TESPA1: variants seen among roughly 807,000 people sequenced by gnomAD.
TESPA1 encodes the protein thymocyte expressed, positive selection associated 1.
In TESPA1, 33 loss-of-function variants were observed where a neutral mutation model predicts 57.9. The ratio of observed to expected loss-of-function variants is 0.57; its 90% CI spans 0.43 to 0.76. TESPA1 has a LOEUF of 0.76. Among genes scored for constraint, TESPA1 ranks in the 30% least tolerant of loss-of-function variants. The pLI is 0.00. For synonymous variants in TESPA1, 227 were observed against 228.9 expected (o/e 0.99, Z 0.07); for missense variants, 618 against 632.9 (o/e 0.98, Z 0.25).
intron 3 of TESPA1, among the ~76,000 whole-genome samples, chr12:54,970,350 A>G (rs1348015949): frequency 6.6e-6 from 1 of 152,246 alleles, no homozygotes; most frequent in Non-Finnish European, 1.5e-5. Context: ...AATACAATTT[A>G]CATTTAAAAT....
At chr12:54,967,353 CAGAT>C (rs1352295205) in intron 4 of TESPA1, 117 bp from the exon 5 acceptor site, 1 of 1,155,230 alleles carries the variant, frequency 8.7e-7, no homozygotes, top group East Asian at 2.6e-5. Context: ...CTTGCACAAC[CAGAT>C]AATCATACTA....
intron 10 of TESPA1, among the ~76,000 whole-genome samples, chr12:54,960,910 A>T (rs770906905): frequency 2.0e-5 from 3 of 152,136 alleles, no homozygotes; most frequent in Admixed American, 6.5e-5. Flanking sequence ...GGGAGCTGGG[A>T]TCTGGTCATT....
intron 1 of TESPA1, among the ~76,000 whole-genome samples, chr12:54,980,754 C>T (rs996317273): frequency 1.1e-4 from 17 of 152,150 alleles, no homozygotes; most frequent in African/African-American, 4.1e-4. Flanking sequence ...CACCATGGGG[C>T]AATTTTCAAG....
intron 1 of TESPA1, among the ~76,000 whole-genome samples, chr12:54,981,088 A>G (rs1952298709): frequency 6.6e-6 from 1 of 151,884 alleles, no homozygotes; most frequent in South Asian, 2.1e-4. Flanking sequence ...CCTAGTCTAT[A>G]CCTAATTTTC....
chr12:54,964,034 CAG>C, intron 7 of TESPA1, 84 bp from the exon 8 acceptor site: 2 of 1,369,758 alleles, frequency 1.5e-6, no homozygotes, highest in East Asian at 4.6e-5. Context: ...ATAAAAGTGT[CAG>C]AAGACTGAAA....
intron 10 of TESPA1, among the ~76,000 whole-genome samples, chr12:54,952,229 G>C (rs1003570658): frequency 2.0e-5 from 3 of 152,174 alleles, no homozygotes; most frequent in Non-Finnish European, 4.4e-5. Context: ...GGCCCTCACC[G>C]GATGTGGTCC....
intron 1 of TESPA1, among the ~76,000 whole-genome samples, chr12:54,978,211 C>T (rs117588175): frequency 0.031 from 4,645 of 152,178 alleles, 103 homozygotes; most frequent in Middle Eastern, 0.061. Flanking sequence ...CATTCGAAAA[C>T]GTACACTGAT....
At chr12:54,966,641 C>G (rs1354264910) in intron 5 of TESPA1, among the ~76,000 whole-genome samples, 2 of 152,134 alleles carry the variant, frequency 1.3e-5, no homozygotes, top group African/African-American at 4.8e-5. Context: ...TGGCCTTAAC[C>G]CTATGAACTT....
In TESPA1 at chr12:54,962,893, A is replaced by G; in HGVS notation, c.1005T>C (p.Asp335=). ...GATCTTCCTGTGAGAATTGCCCCAA[A>G]TCAGAGTCTTGCTGGAGGAACTGCT... ...EEKQFLQQDS[D]LGQFSQEDPV... is the part of the protein sequence containing the mutation. The change falls in exon 9 of 11, where the codon GAT becomes GAC. Residue 335 remains aspartate, a synonymous_variant. Transcript: ENST00000449076. 6.2e-7 allele frequency: 1 copy of G among 1,613,790 alleles called. No individual in the cohort carries two copies. Among genetic ancestry groups the G allele is most frequent in the Non-Finnish European group, 8.5e-7 (1 of 1,179,800 alleles).
At chr12:54,951,948 A>T (rs1282495943) in intron 10 of TESPA1, among the ~76,000 whole-genome samples, 1 of 149,122 alleles carries the variant, frequency 6.7e-6, no homozygotes, top group East Asian at 2.3e-4. Context: ...TTGAACTCCA[A>T]AAAGCTCAAT....
intron 3 of TESPA1, among the ~76,000 whole-genome samples, chr12:54,973,181 G>A (rs553870772): frequency 2.0e-5 from 3 of 152,062 alleles, no homozygotes; most frequent in Non-Finnish European, 4.4e-5. Flanking sequence ...GGGGAGTAGG[G>A]GTCTGGAACT....
chr12:54,956,564 G>C (rs1950749116), intron 10 of TESPA1, among the ~76,000 whole-genome samples: 1 of 152,136 alleles, frequency 6.6e-6, no homozygotes, highest in African/African-American at 2.4e-5. Context: ...CCTTTCTCAG[G>C]AACTTGGAGG....
At chr12:54,975,877 G>A (rs1952117887) in intron 1 of TESPA1, among the ~76,000 whole-genome samples, 1 of 152,068 alleles carries the variant, frequency 6.6e-6, no homozygotes, top group African/African-American at 2.4e-5. Flanking sequence ...GCCTCTGCTT[G>A]TTACAGGCAA....
At chr12:54,965,457 G>C (rs183084360) in intron 7 of TESPA1, among the ~76,000 whole-genome samples, 107 of 152,272 alleles carry the variant, frequency 7.0e-4, no homozygotes, top group African/African-American at 2.5e-3. Context: ...TTGGTTTTCT[G>C]TTCCTGTGTT....
At chr12:54,969,201 C>T (rs868501708) in intron 3 of TESPA1, among the ~76,000 whole-genome samples, 3 of 151,116 alleles carry the variant, frequency 2.0e-5, no homozygotes, top group South Asian at 2.1e-4. Context: ...AAATAATAGG[C>T]AAGCTCATTA....
chr12:54,984,294 T>A (rs1035949176), intron 1 of TESPA1: 1 of 151,838 alleles, frequency 6.6e-6, no homozygotes, highest in Non-Finnish European at 1.5e-5. Context: ...TGAAAAAAAA[T>A]TCCTAAAATG....
At chr12:54,966,354 G>A in intron 6 of TESPA1, 34 bp downstream of exon 6, 1 of 1,613,762 alleles carries the variant, frequency 6.2e-7, no homozygotes. Context: ...TCTTAAAGGA[G>A]ACATCATTCA....
intron 3 of TESPA1, 105 bp from the exon 4 acceptor site, chr12:54,967,997 C>T: frequency 6.4e-7 from 1 of 1,566,626 alleles, no homozygotes; most frequent in Non-Finnish European, 8.6e-7. Context: ...CAGTGAGAGT[C>T]AGTAGTATTT....
intron 5 of TESPA1, 65 bp from the exon 6 acceptor site, chr12:54,966,489 C>T (rs1951440084): frequency 1.3e-6 from 2 of 1,568,046 alleles, no homozygotes; most frequent in South Asian, 1.2e-5. Context: ...CTGTGTTGCC[C>T]CTCTGAACCT....
Sources: allele counts gnomAD v4.1 joint callset (sites outside exome capture counted in the v4.1 genomes callset), GRCh38; gene constraint gnomAD v4.1.1; transcripts MANE v1.5; gene names NCBI Gene and HGNC (gene_info 2026-07-23, HGNC 2026-07-21).